The following EVA1C variants were observed in gnomAD, a reference collection of about 807,000 sequenced individuals.
The protein encoded by EVA1C is protein eva-1 homolog C.
Under a neutral mutation model 45.4 loss-of-function variants are expected in EVA1C, and 25 were observed. That is an observed-to-expected ratio of 0.55 (90% CI 0.40 to 0.77). The LOEUF (loss-of-function observed/expected upper bound fraction) is 0.77, where lower values mean the gene tolerates loss of function less well. Among genes scored for constraint, EVA1C ranks in the 30% least tolerant of loss-of-function variants. EVA1C has a pLI of 0.00. For missense variants in EVA1C, 479 were observed against 554.8 expected, an observed-to-expected ratio of 0.86 and a Z score of 1.37; for synonymous variants, 190 against 221.2, an observed-to-expected ratio of 0.86 and a Z score of 1.25.
intron 4 of EVA1C, chr21:32,473,948 G>A: frequency 1.0e-6 from 1 of 985,410 alleles, no homozygotes; most frequent in Non-Finnish European, 1.2e-6. Flanking sequence ...GACAAGAAGG[G>A]CTCTGGCATT....
chr21:32,513,343 G>GT lies in EVA1C; in HGVS notation c.950-1461dup, dbSNP rs1178101131. ...AGGCGCCCGCCACCACACCCGGCTA[G>GT]TTTTTTTTTTGTACTTTTGGTACAG... is the stretch of plus-strand genomic sequence containing the variant. On this transcript the variant is annotated intron_variant, in intron 7 of 7. Transcript: ENST00000300255. 2.0e-4 allele frequency among the ~76,000 whole-genome samples: 29 copies of GT among 143,984 alleles called. No homozygotes were observed. In the East Asian group the frequency reaches 3.0e-3, roughly 15 times the overall value. 94.5% of individuals were successfully genotyped at this position (143,984 alleles called of 152,430 possible).
At chr21:32,476,368 G>A (rs576179882) in intron 4 of EVA1C, among the ~76,000 whole-genome samples, 111 of 152,198 alleles carry the variant, frequency 7.3e-4, no homozygotes, top group African/African-American at 2.5e-3. Flanking sequence ...GGGGCCGGGC[G>A]TGGTGGCTCA....
At chr21:32,451,712 C>T (rs569123192) in intron 1 of EVA1C, among the ~76,000 whole-genome samples, 8 of 152,232 alleles carry the variant, frequency 5.3e-5, no homozygotes, top group Non-Finnish European at 1.0e-4. Flanking sequence ...GGGTGGTGGC[C>T]GGCAACGCTC....
intron 6 of EVA1C, 178 bp downstream of exon 6, chr21:32,501,673 C>T: frequency 1.5e-6 from 1 of 653,718 alleles, no homozygotes; most frequent in South Asian, 2.8e-5. Context: ...ATGGTGAACA[C>T]CATTTTATTT....
chr21:32,457,493 GGAGGCGT>G (rs939340624), intron 2 of EVA1C, 97 bp from the exon 3 acceptor site: 265 of 1,387,554 alleles, frequency 1.9e-4, no homozygotes, highest in Non-Finnish European at 2.7e-4. Context: ...GGCCAGGTGG[GGAGGCGT>G]CCTTCCCTTT....
intron 1 of EVA1C, chr21:32,453,111 A>G: frequency 2.0e-6 from 1 of 499,316 alleles, no homozygotes; most frequent in South Asian, 3.9e-5. Flanking sequence ...CCATGTCAAC[A>G]TGAAAGCTGA....
At chr21:32,447,369 G>T (rs898911214) in intron 1 of EVA1C, among the ~76,000 whole-genome samples, 10 of 151,996 alleles carry the variant, frequency 6.6e-5, no homozygotes, top group African/African-American at 2.4e-4. Context: ...ACTCCGTCTC[G>T]GTGGGGGGAA....
At chr21:32,446,087 TAAA>T (rs369777383) in intron 1 of EVA1C, among the ~76,000 whole-genome samples, 157 of 151,870 alleles carry the variant, frequency 1.0e-3, no homozygotes, top group African/African-American at 3.7e-3. Flanking sequence ...CTACTAAAAA[TAAA>T]AAAATAGCCA....
At chr21:32,451,465 C>G (rs1194043950) in intron 1 of EVA1C, among the ~76,000 whole-genome samples, 1 of 152,202 alleles carries the variant, frequency 6.6e-6, no homozygotes, top group African/African-American at 2.4e-5. Flanking sequence ...CAGAGCTTCT[C>G]AGAGCCCAGG....
chr21:32,468,050 A>G, intron 4 of EVA1C: 1 of 275,122 alleles, frequency 3.6e-6, no homozygotes, highest in Non-Finnish European at 6.4e-6. Flanking sequence ...GCTTGTAAAC[A>G]GTAATCTGCC....
chr21:32,420,638 C>G (rs2034233369), intron 1 of EVA1C, among the ~76,000 whole-genome samples: 1 of 152,164 alleles, frequency 6.6e-6, no homozygotes, highest in African/African-American at 2.4e-5. Context: ...AAGAGAGCCA[C>G]CCGCCCTGGC....
chr21:32,453,553 ACACT>A (rs1568900015), intron 2 of EVA1C, 45 bp downstream of exon 2: 1 of 1,329,700 alleles, frequency 7.5e-7, no homozygotes, highest in East Asian at 2.3e-5. Context: ...GTTTCAACAC[ACACT>A]CTTTCTCTCT....
chr21:32,513,555 T>C (rs1192167170), intron 7 of EVA1C, among the ~76,000 whole-genome samples: 1 of 140,180 alleles, frequency 7.1e-6, no homozygotes, highest in Non-Finnish European at 1.5e-5. Flanking sequence ...TCTTTTCTTT[T>C]TTTTTTTTTT....
chr21:32,434,944 T>C (rs1180435943), intron 1 of EVA1C, among the ~76,000 whole-genome samples: 7 of 152,304 alleles, frequency 4.6e-5, no homozygotes, highest in Non-Finnish European at 8.8e-5. Context: ...ATATAAACTC[T>C]TCATTTAATC....
chr21:32,481,020 A>G (rs1031878631), intron 4 of EVA1C, among the ~76,000 whole-genome samples: 5 of 152,184 alleles, frequency 3.3e-5, no homozygotes, highest in Non-Finnish European at 5.9e-5. Flanking sequence ...TTGAGAGGGA[A>G]GAACATTTAC....
intron 1 of EVA1C, among the ~76,000 whole-genome samples, chr21:32,422,929 GGCATGGTGGT>G (rs1246877177): frequency 6.6e-6 from 1 of 151,824 alleles, no homozygotes; most frequent in Non-Finnish European, 1.5e-5. Flanking sequence ...AAATTAGCTG[GGCATGGTGGT>G]GCACATCTGT....
At chr21:32,502,615 C>G (rs1365248517) in intron 6 of EVA1C, among the ~76,000 whole-genome samples, 1 of 152,012 alleles carries the variant, frequency 6.6e-6, no homozygotes, top group Non-Finnish European at 1.5e-5. Flanking sequence ...GTCTTTCCCC[C>G]CTAAGTATAA....
intron 4 of EVA1C, among the ~76,000 whole-genome samples, chr21:32,483,962 ATGTGTGTG>A (rs55688415): frequency 0.35 from 52,191 of 147,204 alleles, 9,226 homozygotes; most frequent in East Asian, 0.47. Flanking sequence ...CTCACTGTTT[ATGTGTGTG>A]TGTGTGTGTG....
chr21:32,425,250 G>C (rs531223064), intron 1 of EVA1C, among the ~76,000 whole-genome samples: 1 of 144,210 alleles, frequency 6.9e-6, no homozygotes, highest in Admixed American at 7.2e-5. Context: ...TAGGAGAATC[G>C]CTTGAACCCA....
Sources: allele counts gnomAD v4.1 joint callset (sites outside exome capture counted in the v4.1 genomes callset), GRCh38; gene constraint gnomAD v4.1.1; transcripts MANE v1.5; gene names NCBI Gene and HGNC (gene_info 2026-07-23, HGNC 2026-07-21).